The following GOT2 variants were observed in gnomAD, a reference collection of about 807,000 sequenced individuals.
GOT2 encodes aspartate aminotransferase, mitochondrial.
In GOT2, 17 loss-of-function variants were observed where a neutral mutation model predicts 50.0. That is an observed-to-expected ratio of 0.34 (90% CI 0.23 to 0.51). The LOEUF (loss-of-function observed/expected upper bound fraction) is 0.51, where lower values mean the gene tolerates loss of function less well. Ranked by LOEUF, GOT2 falls within the 20% of genes least tolerant of loss-of-function variation. The probability of loss-of-function intolerance (pLI) is 0.97; values close to 1 mark genes in which losing one functional copy is unlikely to be tolerated. For missense variants in GOT2, 430 were observed against 559.6 expected, an observed-to-expected ratio of 0.77 and a Z score of 2.34; for synonymous variants, 172 against 204.9, an observed-to-expected ratio of 0.84 and a Z score of 1.37.
chr16:58,708,247 C>T lies in GOT2; in HGVS notation c.1217G>A (p.Gly406Asp). The change falls in exon 10 of 10, where the codon GGC becomes GAC. Residue 406 changes from glycine (G) to aspartate (D), a missense_variant. Gly to Asp is a moderately conservative substitution (Grantham distance 94, BLOSUM62 -1). Coordinates refer to ENST00000245206, the MANE Select transcript of GOT2 (RefSeq NM_002080.4). ...KEFSIYMTKD[G>D]RISVAGVTSS... ...GGTGACCCCTGCCACAGAGATGCGG[C>T]CATCTTTTGTCATGTAGATGGAGAA... 6.2e-7 allele frequency: 1 copy of T among 1,614,072 alleles called. No individual in the cohort carries two copies. The highest frequency in any genetic ancestry group is 8.5e-7 in the Non-Finnish European group (1 of 1,179,968).
chr16:58,728,256 G>A (rs2044803330), intron 1 of GOT2, among the ~76,000 whole-genome samples: 1 of 152,146 alleles, frequency 6.6e-6, no homozygotes, highest in East Asian at 1.9e-4. Context: ...TGGGCAAACT[G>A]TACGGATTCA....
intron 1 of GOT2, among the ~76,000 whole-genome samples, chr16:58,730,915 G>A (rs956980770): frequency 2.0e-5 from 3 of 152,188 alleles, no homozygotes; most frequent in African/African-American, 4.8e-5. Flanking sequence ...CAAACATTGA[G>A]CAATATTGAC....
intron 8 of GOT2, among the ~76,000 whole-genome samples, chr16:58,712,222 T>C (rs755347590): frequency 2.0e-5 from 3 of 152,118 alleles, no homozygotes; most frequent in Non-Finnish European, 2.9e-5. Flanking sequence ...ATATTAAATA[T>C]CATGTGTGGC....
chr16:58,727,709 A>G (rs2152098106), intron 1 of GOT2, among the ~76,000 whole-genome samples: 2 of 152,328 alleles, frequency 1.3e-5, no homozygotes, highest in Middle Eastern at 6.8e-3. Context: ...AAAGTACTGC[A>G]CAAGGTTAGG....
intron 8 of GOT2, among the ~76,000 whole-genome samples, chr16:58,710,316 C>A (rs2044636113): frequency 6.6e-6 from 1 of 151,938 alleles, no homozygotes. Flanking sequence ...ATCTTCCAGG[C>A]TCAAGTGATC....
chr16:58,718,916 AG>A (rs1259309673), intron 4 of GOT2, among the ~76,000 whole-genome samples: 2 of 152,192 alleles, frequency 1.3e-5, no homozygotes, highest in Non-Finnish European at 2.9e-5. Flanking sequence ...TCACTTGTAA[AG>A]GGGGTTAATT....
At position 58,713,939 on chromosome 16, in the gene GOT2, T is replaced by C. The variant is rs145845500; in HGVS notation, c.1019+2075A>G. Reference sequence around the variant, plus strand: ...GGGTACAGCTGTGTTCCAATAAAACTTTATTTACAAGAATAGGGGGCAAAC... The same window carrying C: ...GGGTACAGCTGTGTTCCAATAAAACCTTATTTACAAGAATAGGGGGCAAAC... On this transcript the variant is annotated intron_variant, in intron 8 of 9. Transcript: ENST00000245206. 2.0e-5 allele frequency among the ~76,000 whole-genome samples: 3 copies of C among 152,316 alleles called. No individual in the cohort carries two copies. In the East Asian group the frequency reaches 5.8e-4, roughly 29 times the overall value.
chr16:58,720,578 AT>A (rs567374817), intron 3 of GOT2, among the ~76,000 whole-genome samples: 3,773 of 140,854 alleles, frequency 0.027, 112 homozygotes, highest in African/African-American at 0.074. Flanking sequence ...AGGCACAACA[AT>A]TTTTTTTTTT....
At position 58,728,375 on chromosome 16, in the gene GOT2, G is replaced by A. The variant is rs895178268; in HGVS notation, c.90-4473C>T. Among the ~76,000 whole-genome samples the A allele has an allele frequency of 3.3e-5, 5 of 152,256 alleles. No individual in the cohort carries two copies. The South Asian group carries it at 1.0e-3, about 32-fold the overall frequency. On this transcript the variant is annotated intron_variant, in intron 1 of 9. Coordinates refer to ENST00000245206, the MANE Select transcript of GOT2 (RefSeq NM_002080.4). ...ATAAAACTACCTATCTCACAGGGCT[G>A]GTCTAATGATGAAAAAAACACTCAA...
intron 1 of GOT2, among the ~76,000 whole-genome samples, chr16:58,726,932 T>A (rs557421537): frequency 6.6e-6 from 1 of 152,018 alleles, no homozygotes; most frequent in East Asian, 2.0e-4. Flanking sequence ...AGTAGGCGGA[T>A]CACCTGAGGT....
intron 8 of GOT2, 32 bp downstream of exon 8, chr16:58,715,982 G>A: frequency 1.3e-6 from 2 of 1,567,072 alleles, no homozygotes; most frequent in Non-Finnish European, 1.7e-6. Flanking sequence ...GTGGGAACAG[G>A]TAGGTGGCTG....
intron 4 of GOT2, 147 bp from the exon 5 acceptor site, chr16:58,718,835 G>T: frequency 3.0e-6 from 2 of 670,190 alleles, no homozygotes; most frequent in South Asian, 2.1e-5. Context: ...CAGTAAGACT[G>T]CCTGGGTTGG....
intron 7 of GOT2, chr16:58,716,387 T>C: frequency 1.7e-6 from 1 of 600,046 alleles, no homozygotes; most frequent in Non-Finnish European, 2.9e-6. Flanking sequence ...TATTTTTTAT[T>C]GTATCTATCT....
chr16:58,730,683 T>C (rs257616), intron 1 of GOT2, among the ~76,000 whole-genome samples: 105,437 of 152,088 alleles, frequency 0.69, 37,103 homozygotes, highest in Middle Eastern at 0.86. Context: ...ATACTCAATT[T>C]GATTAGCCCC....
chr16:58,719,051 T>C (rs912317053), intron 4 of GOT2, 145 bp downstream of exon 4: 52 of 660,982 alleles, frequency 7.9e-5, no homozygotes, highest in Admixed American at 1.3e-4. Context: ...TTCAAAGTCC[T>C]TTCATTTTTT....
At chr16:58,725,112 CT>C (rs34912264) in intron 1 of GOT2, among the ~76,000 whole-genome samples, 46 of 145,440 alleles carry the variant, frequency 3.2e-4, no homozygotes, top group Admixed American at 4.1e-4. Flanking sequence ...TTCTTTCTTT[CT>C]TTTTTTTTTT....
In GOT2 at chr16:58,716,038, T is replaced by C. The variant is rs1217140398; in HGVS notation, c.995A>G (p.Asn332Ser). 6.2e-7 allele frequency: 1 copy of C among 1,613,070 alleles called. No individual in the cohort carries two copies. The change falls in exon 8 of 10, where the codon AAC becomes AGC. Residue 332 changes from asparagine to serine, a missense_variant. Physicochemically the swap from Asn to Ser is conservative, Grantham distance 46. Coordinates refer to ENST00000245206, the MANE Select transcript of GOT2 (RefSeq NM_002080.4). ...NGARIAAAILNTPDLRKQWLQ... is the reference protein window; with the variant it reads ...NGARIAAAILSTPDLRKQWLQ... ...CCATTGTTTTCGCAAATCTGGGGTG[T>C]TCAGAATGGCAGCAGCAATCCGGGC...
chr16:58,718,169 T>C lies in GOT2; in HGVS notation c.702+27A>G, dbSNP rs1356650459. 5 of 1,483,834 alleles carry C rather than the reference T, an allele frequency of 3.4e-6. No homozygotes were observed. In the Admixed American group the frequency reaches 5.0e-5, roughly 15 times the overall value. The allele number at this position is 1,483,834 out of a possible 1,614,324, so 91.9% of individuals were successfully genotyped here. ...CAAAGCTGGTTACTAAACACAGAAC[T>C]GTCGCCAGTGAGTTCATCGTCCTCA... is the stretch of plus-strand genomic sequence containing the variant. On this transcript the variant is annotated intron_variant, in intron 6 of 9. Coordinates refer to ENST00000245206, the MANE Select transcript of GOT2 (RefSeq NM_002080.4).
chr16:58,729,928 A>T (rs189678879), intron 1 of GOT2, among the ~76,000 whole-genome samples: 1,684 of 151,652 alleles, frequency 0.011, 12 homozygotes, highest in East Asian at 0.032. Flanking sequence ...TTTTTTTTTT[A>T]AAAATGTAAT....
Sources: gnomAD v4.1 joint callset for allele counts (sites outside exome capture counted in the v4.1 genomes callset) on GRCh38, gnomAD v4.1.1 for gene constraint, MANE v1.5 for transcripts, NCBI Gene and HGNC (gene_info 2026-07-23, HGNC 2026-07-21) for gene names.